CCDC73: variants seen among roughly 807,000 people sequenced by gnomAD.
CCDC73 encodes the protein coiled-coil domain-containing protein 73.
A neutral mutation model predicts 116.5 loss-of-function variants in CCDC73; 95 were observed. The observed-to-expected ratio is 0.82, with a 90% CI of 0.69 to 0.97. The LOEUF is 0.97. CCDC73 is among the 50% of genes least tolerant of loss of function. The probability of loss-of-function intolerance (pLI) is 0.00; values close to 1 mark genes in which losing one functional copy is unlikely to be tolerated. For missense variants in CCDC73, 1,066 were observed against 1,206.8 expected (o/e 0.88, Z 1.73); for synonymous variants, 398 against 401.3 (o/e 0.99, Z 0.10).
At chr11:32,679,874 G>T (rs1034349276) in intron 7 of CCDC73, 2 of 152,172 alleles carry the variant, frequency 1.3e-5, no homozygotes, top group African/African-American at 4.8e-5. Flanking sequence ...CATGCATAGA[G>T]CTTTATATAC....
intron 2 of CCDC73, among the ~76,000 whole-genome samples, chr11:32,719,966 C>A (rs1228243959): frequency 1.3e-5 from 2 of 152,062 alleles, no homozygotes; most frequent in South Asian, 4.1e-4. Context: ...GAGAATACTA[C>A]CAAATATTTA....
At chr11:32,808,720 A>C in the CCDC73 span, among the ~76,000 whole-genome samples, 10 of 152,214 alleles carry the variant, frequency 6.6e-5, no homozygotes, top group Non-Finnish European at 1.3e-4. Flanking sequence ...ATAAGATAAG[A>C]AATATTTTTC....
At chr11:32,679,371 T>A (rs1856123732) in intron 7 of CCDC73, among the ~76,000 whole-genome samples, 1 of 151,962 alleles carries the variant, frequency 6.6e-6, no homozygotes, top group Admixed American at 6.5e-5. Context: ...TATTTTTTAT[T>A]TATTTTTTTG....
At chr11:32,725,188 G>T (rs529779771) in intron 2 of CCDC73, among the ~76,000 whole-genome samples, 1 of 151,428 alleles carries the variant, frequency 6.6e-6, no homozygotes, top group Admixed American at 6.6e-5. Flanking sequence ...TCAGTTACCC[G>T]CAGTCAACCA....
intron 12 of CCDC73, among the ~76,000 whole-genome samples, chr11:32,651,532 C>A (rs1855826207): frequency 6.6e-6 from 1 of 152,152 alleles, no homozygotes. Context: ...GACGTAGGTC[C>A]CCAGAGGGCG....
chr11:32,651,525 G>A (rs957230468), intron 12 of CCDC73, among the ~76,000 whole-genome samples: 9 of 152,216 alleles, frequency 5.9e-5, no homozygotes, highest in Admixed American at 2.0e-4. Flanking sequence ...AAAGCAGGAC[G>A]TAGGTCCCCA....
chr11:32,631,571 T>C (rs1378448559), intron 14 of CCDC73, among the ~76,000 whole-genome samples: 4 of 114,568 alleles, frequency 3.5e-5, no homozygotes, highest in Non-Finnish European at 7.1e-5. Flanking sequence ...TGAAACCTCA[T>C]CAGGAAAGGA....
chr11:32,612,751 T>C (rs964077306), intron 16 of CCDC73, among the ~76,000 whole-genome samples: 9 of 151,682 alleles, frequency 5.9e-5, no homozygotes, highest in African/African-American at 2.2e-4. Context: ...AAATAATAAA[T>C]AAATAAAGCA....
At chr11:32,657,093 T>C (rs1353357365) in intron 9 of CCDC73, among the ~76,000 whole-genome samples, 1 of 152,108 alleles carries the variant, frequency 6.6e-6, no homozygotes, top group South Asian at 2.1e-4. Flanking sequence ...AGCCAGTATA[T>C]AAGGCTGAGA....
the CCDC73 span, among the ~76,000 whole-genome samples, chr11:32,812,403 C>T: frequency 3.9e-5 from 6 of 152,150 alleles, no homozygotes; most frequent in Admixed American, 2.6e-4. Flanking sequence ...CAGTGGCTCA[C>T]ACCTGTAATC....
chr11:32,635,783 T>C lies in CCDC73; in HGVS notation c.1098A>G (p.Ser366=). Residue 366 remains serine (S), a synonymous_variant, in exon 14 of 18, where the codon TCA becomes TCG. Coordinates refer to ENST00000335185, the MANE Select transcript of CCDC73 (RefSeq NM_001008391.4). ...GEINKIKNEL[S]SLKETHIKLQ... is the part of the protein sequence containing the mutation. ...ACTTAATATGAGTTTCTTTAAGGGATGATAATTCATTTTTAATCTTATTAA... is the reference window on the plus strand; with the variant it reads ...ACTTAATATGAGTTTCTTTAAGGGACGATAATTCATTTTTAATCTTATTAA... 8.0e-7 allele frequency: 1 copy of C among 1,250,630 alleles called. No individual in the cohort carries two copies. Among genetic ancestry groups the C allele is most frequent in the South Asian group, 2.6e-5 (1 of 38,762 alleles). 77.5% of individuals were successfully genotyped at this position (1,250,630 alleles called of 1,614,324 possible).
rs138500149 is a variant in CCDC73 at position 32,654,429 on chromosome 11, C to T, written c.775-392G>A. ...CCTCAAGTGATCCACCCACCTCAGC[C>T]TCCTAAAGTGCTGGGATTACAGGCG... On this transcript the variant is annotated intron_variant, in intron 10 of 17. Transcript: ENST00000335185. 7.1e-3 allele frequency among the ~76,000 whole-genome samples: 1,086 copies of T among 152,266 alleles called. 17 individuals carry two copies. Among genetic ancestry groups the T allele is most frequent in the African/African-American group, 0.025 (1,047 of 41,542 alleles).
intron 1 of CCDC73, among the ~76,000 whole-genome samples, chr11:32,778,607 T>A (rs1850556755): frequency 6.6e-6 from 1 of 151,784 alleles, no homozygotes; most frequent in African/African-American, 2.4e-5. Context: ...AGGTCAGGAG[T>A]TCGTGACCAG....
chr11:32,727,422 T>C (rs1850037847), intron 2 of CCDC73, among the ~76,000 whole-genome samples: 1 of 152,150 alleles, frequency 6.6e-6, no homozygotes, highest in African/African-American at 2.4e-5. Context: ...GAGGGAGGAA[T>C]AGCAAACAAT....
chr11:32,648,038 A>C (rs1053108561), intron 12 of CCDC73, among the ~76,000 whole-genome samples: 1 of 152,278 alleles, frequency 6.6e-6, no homozygotes, highest in African/African-American at 2.4e-5. Flanking sequence ...CAGATTCTCC[A>C]ACAGAAACCT....
At chr11:32,660,360 T>C (rs1430914699) in intron 9 of CCDC73, among the ~76,000 whole-genome samples, 2 of 151,244 alleles carry the variant, frequency 1.3e-5, no homozygotes, top group Non-Finnish European at 2.9e-5. Context: ...CCAACAGGTA[T>C]AGCTCCAGGA....
intron 2 of CCDC73, among the ~76,000 whole-genome samples, chr11:32,754,129 T>C (rs1318825974): frequency 1.3e-5 from 2 of 152,348 alleles, no homozygotes; most frequent in African/African-American, 2.4e-5. Flanking sequence ...TTATTGGCTA[T>C]TCTCATGCAT....
chr11:32,657,924 T>C (rs915993217), intron 9 of CCDC73, among the ~76,000 whole-genome samples: 4 of 151,562 alleles, frequency 2.6e-5, no homozygotes, highest in Admixed American at 1.3e-4. Flanking sequence ...CACTTGAGCC[T>C]AGGAGTTCAA....
At chr11:32,654,068 A>T in intron 10 of CCDC73, 31 bp from the exon 11 acceptor site, 2 of 1,559,556 alleles carry the variant, frequency 1.3e-6, no homozygotes, top group Middle Eastern at 2.0e-4. Flanking sequence ...TAAAGTTATG[A>T]TATAAAATTC....
Sources: gnomAD v4.1 joint callset for allele counts (sites outside exome capture counted in the v4.1 genomes callset) on GRCh38, gnomAD v4.1.1 for gene constraint, MANE v1.5 for transcripts, NCBI Gene and HGNC (gene_info 2026-07-23, HGNC 2026-07-21) for gene names.